Variants in ZNF573 observed in about 807,000 individuals in gnomAD.
ZNF573 encodes the protein zinc finger protein 573.
ZNF573 carries 41 observed loss-of-function variants against 57.4 expected under a neutral mutation model. The ratio of observed to expected loss-of-function variants is 0.71; its 90% confidence interval spans 0.56 to 0.93. The LOEUF is 0.93. ZNF573 is among the 40% of genes least tolerant of loss of function. The pLI, the probability that ZNF573 is intolerant of heterozygous loss-of-function variation, is 0.00. For missense variants in ZNF573, 730 were observed against 794.8 expected (o/e 0.92, Z 0.98); for synonymous variants, 249 against 261.0 (o/e 0.95, Z 0.44).
At chr19:37,744,161 C>T (rs1342729810) in intron 4 of ZNF573, among the ~76,000 whole-genome samples, 2 of 151,466 alleles carry the variant, frequency 1.3e-5, no homozygotes, top group East Asian at 1.9e-4. Context: ...CACAGATACA[C>T]CAAAAAGGTA....
intron 4 of ZNF573, among the ~76,000 whole-genome samples, chr19:37,760,413 A>T (rs570648988): frequency 2.0e-5 from 3 of 152,344 alleles, no homozygotes; most frequent in Admixed American, 2.0e-4. Context: ...GAAGACAAAT[A>T]ACTAAGGATA....
chr19:37,744,098 T>C (rs2045354065), intron 4 of ZNF573, among the ~76,000 whole-genome samples: 1 of 150,680 alleles, frequency 6.6e-6, no homozygotes, highest in Non-Finnish European at 1.5e-5. Context: ...CATGTATCCA[T>C]GTATCCTGTT....
rs974443776 is a variant in ZNF573, at chr19:37,769,927, C to G, written c.295+78G>C. ...CTGGGTGCCTTGGAGGAAGGTTTCA[C>G]AAACAACACAAAAATGTCTCCTTTC... On this transcript the variant is annotated intron_variant, in intron 4 of 4. Transcript: ENST00000536220. 5 of 1,322,234 alleles carry G rather than the reference C, an allele frequency of 3.8e-6. No homozygotes were observed. In the African/African-American group the frequency reaches 5.8e-5, roughly 15 times the overall value. 81.9% of individuals were successfully genotyped at this position (1,322,234 alleles called of 1,614,324 possible).
At chr19:37,753,162 G>T (rs1310922201) in intron 4 of ZNF573, among the ~76,000 whole-genome samples, 1 of 152,010 alleles carries the variant, frequency 6.6e-6, no homozygotes, top group Non-Finnish European at 1.5e-5. Flanking sequence ...ATATATTTTA[G>T]TTATATATTA....
intron 4 of ZNF573, among the ~76,000 whole-genome samples, chr19:37,754,512 T>C (rs1210857973): frequency 4.3e-5 from 5 of 117,048 alleles, no homozygotes; most frequent in African/African-American, 1.8e-4. Context: ...AAAGTGAGAC[T>C]CCACCTCAAA....
In ZNF573 at chr19:37,770,102, T is replaced by C; in HGVS notation, c.203-5A>G. On this transcript the variant is annotated splice_polypyrimidine_tract_variant and splice_region_variant and intron_variant, in intron 3 of 4. Coordinates refer to ENST00000536220, the MANE Select transcript of ZNF573 (RefSeq NM_001172690.2). Reference sequence around the variant, plus strand: ...GTTTAGAAATGGAATGTCCTCCTTATAAGAAAAGAAATGCCACATGGTATA... The same window carrying C: ...GTTTAGAAATGGAATGTCCTCCTTACAAGAAAAGAAATGCCACATGGTATA... 6.5e-7 allele frequency: 1 copy of C among 1,539,750 alleles called. No individual in the cohort carries two copies. The highest frequency in any genetic ancestry group is 1.2e-5 in the South Asian group (1 of 81,894).
chr19:37,768,814 C>T (rs1185037747), intron 4 of ZNF573, among the ~76,000 whole-genome samples: 1 of 146,034 alleles, frequency 6.8e-6, no homozygotes, highest in African/African-American at 2.5e-5. Context: ...TACAGGCGCC[C>T]GCCACTATGC....
In ZNF573 at chr19:37,740,183, G is replaced by C. The variant is rs765064607; in HGVS notation, c.307C>G (p.Gln103Glu). ...TCTATGTAGCTGATTATCTCACACTGTAAATCCAAATCTGAAACAAAAGAG... is the reference window on the plus strand; with the variant it reads ...TCTATGTAGCTGATTATCTCACACTCTAAATCCAAATCTGAAACAAAAGAG... ...EETQFTDLDL[Q>E]CEIISYIEVP... The change falls in exon 5 of 5, where the codon CAG (glutamine) becomes GAG (glutamate). Residue 103 changes from glutamine (Q) to glutamate (E), a missense_variant. Physicochemically the swap from Gln to Glu is conservative, Grantham distance 29. Transcript: ENST00000536220. The C allele has an allele frequency of 1.6e-5, 25 of 1,561,222 alleles. No homozygotes were observed. Among genetic ancestry groups the C allele is most frequent in the Admixed American group, 2.0e-5 (1 of 49,888 alleles).
chr19:37,777,430 A>G (rs2045719704), intron 1 of ZNF573, among the ~76,000 whole-genome samples: 1 of 152,230 alleles, frequency 6.6e-6, no homozygotes, highest in African/African-American at 2.4e-5. Context: ...TGGTGTACGT[A>G]CACATATATA....
In ZNF573 at chr19:37,769,996, C is replaced by T; in HGVS notation, c.295+9G>A. The T allele has an allele frequency of 6.4e-7, 1 of 1,550,856 alleles. No individual in the cohort carries two copies. The highest frequency in any genetic ancestry group is 1.2e-5 in the South Asian group (1 of 84,034). On this transcript the variant is annotated intron_variant, in intron 4 of 4. Transcript: ENST00000536220. ...GGCCGGCCCTGATGGTGTCCCCTGCCTTCCTTACCTGTGAACTGTGTTTCT... is the reference window on the plus strand; with the variant it reads ...GGCCGGCCCTGATGGTGTCCCCTGCTTTCCTTACCTGTGAACTGTGTTTCT...
At chr19:37,755,029 G>A (rs2045474303) in intron 4 of ZNF573, among the ~76,000 whole-genome samples, 1 of 151,942 alleles carries the variant, frequency 6.6e-6, no homozygotes, top group Non-Finnish European at 1.5e-5. Context: ...GAGTGCAGTG[G>A]CTCCATCTCA....
At position 37,773,818 on chromosome 19, in the gene ZNF573, C is replaced by G. The variant is rs1599709886; in HGVS notation, c.-22-67G>C. 5 of 970,300 alleles carry G rather than the reference C, an allele frequency of 5.2e-6. No individual in the cohort carries two copies. The South Asian group carries it at 7.3e-5, about 14-fold the overall frequency. 60.1% of individuals were successfully genotyped at this position (970,300 alleles called of 1,614,324 possible). A position where few individuals can be genotyped will look rare whatever the true frequency, so the allele number is the denominator to read the frequency against. On this transcript the variant is annotated intron_variant, in intron 1 of 4. Transcript: ENST00000536220. The stretch of plus-strand genomic sequence containing the variant: ...AATTTAATAAAATCTTTCTGCTCCT[C>G]TATTTCTCCTTCCAAATTAATCCCT...
intron 4 of ZNF573, among the ~76,000 whole-genome samples, chr19:37,757,882 G>A (rs1027841249): frequency 6.6e-6 from 1 of 151,984 alleles, no homozygotes; most frequent in African/African-American, 2.4e-5. Context: ...ATGAGTTCAT[G>A]TCCGTTGTAG....
chr19:37,742,486 C>A (rs2045336376), intron 4 of ZNF573, among the ~76,000 whole-genome samples: 2 of 152,114 alleles, frequency 1.3e-5, no homozygotes, highest in African/African-American at 4.8e-5. Flanking sequence ...GACATATAAA[C>A]CAATGGAGCA....
Position 37,771,570 on chromosome 19 carries a change from A to G in ZNF573, c.196T>C (p.Ser66Pro). The G allele has an allele frequency of 6.2e-7, 1 of 1,610,500 alleles. No individual in the cohort carries two copies. The highest frequency in any genetic ancestry group is 8.5e-7 in the Non-Finnish European group (1 of 1,178,522). Reference sequence around the variant, plus strand: ...TTGAGGCAAATAAACTTACCCAGTGATACCAGGTTTCTATAGTTCTCCAAC... The same window carrying G: ...TTGAGGCAAATAAACTTACCCAGTGGTACCAGGTTTCTATAGTTCTCCAAC... ...VMLENYRNLV[S>P]LGGHSISKPV... The change falls in exon 3 of 5, where the codon TCA (serine) becomes CCA (proline). Residue 66 changes from serine (S) to proline (P), a missense_variant. Ser to Pro is a moderately conservative substitution (Grantham distance 74). Transcript: ENST00000536220.
At chr19:37,771,804 G>A in intron 2 of ZNF573, 108 bp from the exon 3 acceptor site, 1 of 1,185,930 alleles carries the variant, frequency 8.4e-7, no homozygotes, top group Non-Finnish European at 1.1e-6. Flanking sequence ...TGTGGCTAAT[G>A]ACTGGTAGCA....
chr19:37,740,101 CTCTT>C lies in ZNF573; in HGVS notation c.385_388del (p.Lys129GlufsTer76), dbSNP rs2045312385. The C allele has an allele frequency of 6.2e-7, 1 of 1,613,874 alleles. No homozygotes were observed. Among genetic ancestry groups the C allele is most frequent in the African/African-American group, 1.3e-5 (1 of 74,926 alleles). ...TTTCTTACATTCATAGAGTTTCTCT[CTCTT>C]ATATATGCTCTGAAGTTGTGTAGAG... is the stretch of plus-strand genomic sequence containing the variant. On this transcript the variant is annotated frameshift_variant, in exon 5 of 5. Transcript: ENST00000536220. LOFTEE classifies it high-confidence loss of function.
intron 4 of ZNF573, among the ~76,000 whole-genome samples, chr19:37,752,410 T>C (rs2045446830): frequency 6.6e-6 from 1 of 152,146 alleles, no homozygotes; most frequent in South Asian, 2.1e-4. Context: ...GAATAGAATA[T>C]TATTCAGCCA....
chr19:37,751,724 ATATATACTGTATATAGTACATAGTACCG>A (rs2045437302), intron 4 of ZNF573, among the ~76,000 whole-genome samples: 1 of 135,948 alleles, frequency 7.4e-6, no homozygotes, highest in African/African-American at 2.8e-5. Flanking sequence ...ATAGTACCGT[ATATATACTGTATATAGTACATAGTACCG>A]TATATACTGT....
Sources: allele counts gnomAD v4.1 joint callset (sites outside exome capture counted in the v4.1 genomes callset), GRCh38; gene constraint gnomAD v4.1.1; transcripts MANE v1.5; gene names NCBI Gene and HGNC (gene_info 2026-07-23, HGNC 2026-07-21).